The following ZCCHC4 variants were observed in gnomAD, a reference collection of about 807,000 sequenced individuals.
The protein encoded by ZCCHC4 is zinc finger CCHC-type containing 4, also known as rRNA N(6)-adenosine-methyltransferase ZCCHC4.
A neutral mutation model predicts 67.7 loss-of-function variants in ZCCHC4; 54 were observed. The ratio of observed to expected loss-of-function variants is 0.80; its 90% CI spans 0.64 to 1.00. The LOEUF (loss-of-function observed/expected upper bound fraction) is 1.00. Ranked by LOEUF, ZCCHC4 falls within the 50% of genes least tolerant of loss-of-function variation. ZCCHC4 has a pLI of 0.00. For synonymous variants in ZCCHC4, 198 were observed against 213.5 expected, an observed-to-expected ratio of 0.93 and a Z score of 0.63; for missense variants, 609 against 617.0, an observed-to-expected ratio of 0.99 and a Z score of 0.14.
intron 3 of ZCCHC4, among the ~76,000 whole-genome samples, chr4:25,330,900 T>C (rs999455550): frequency 6.6e-6 from 1 of 152,186 alleles, no homozygotes; most frequent in Admixed American, 6.5e-5. Context: ...TGCTGCTCAG[T>C]ACTCAGCCGA....
At position 25,319,372 on chromosome 4, in the gene ZCCHC4, G is replaced by A. The variant is rs145504005; in HGVS notation, c.329+3972G>A. 9.8e-3 allele frequency among the ~76,000 whole-genome samples: 1,485 copies of A among 151,662 alleles called. 36 individuals are homozygous for A. Among genetic ancestry groups the A allele is most frequent in the African/African-American group, 0.034 (1,388 of 41,350 alleles). On this transcript the variant is annotated intron_variant, in intron 3 of 12. Coordinates refer to ENST00000302874, the MANE Select transcript of ZCCHC4 (RefSeq NM_024936.3). ...TGCACTCCAGCCTGGGCGAGAGAGCGAGACTCCGTCTCAAAGAAAAAAAAA... is the reference window on the plus strand; with the variant it reads ...TGCACTCCAGCCTGGGCGAGAGAGCAAGACTCCGTCTCAAAGAAAAAAAAA...
chr4:25,368,015 G>C (rs1442187780), intron 12 of ZCCHC4, among the ~76,000 whole-genome samples: 1 of 152,146 alleles, frequency 6.6e-6, no homozygotes. Context: ...CCAGCTCCTT[G>C]AAGTCAAAGA....
intron 3 of ZCCHC4, among the ~76,000 whole-genome samples, chr4:25,321,432 G>A (rs899318145): frequency 1.3e-5 from 2 of 152,118 alleles, no homozygotes; most frequent in African/African-American, 4.8e-5. Flanking sequence ...GAGTGCAGTG[G>A]CGTGATCTTG....
chr4:25,348,645 G>A (rs113777973), intron 6 of ZCCHC4, among the ~76,000 whole-genome samples: 8 of 152,252 alleles, frequency 5.3e-5, no homozygotes, highest in South Asian at 2.1e-4. Context: ...ATAGGAGGAT[G>A]TGCATAGGTT....
chr4:25,323,560 T>G (rs938990458), intron 3 of ZCCHC4, among the ~76,000 whole-genome samples: 1 of 152,226 alleles, frequency 6.6e-6, no homozygotes, highest in Non-Finnish European at 1.5e-5. Flanking sequence ...CTGTAGAATT[T>G]AAATCCAGAC....
intron 6 of ZCCHC4, among the ~76,000 whole-genome samples, chr4:25,349,153 A>G (rs892827115): frequency 3.9e-5 from 6 of 152,230 alleles, no homozygotes; most frequent in Non-Finnish European, 8.8e-5. Flanking sequence ...TGTTTGTTAA[A>G]TTGAATTTAA....
Position 25,369,353 on chromosome 4 carries a change from C to A in ZCCHC4, c.*189C>A, listed in dbSNP as rs1721062328. ...CTCTCTGGAGACATGGGGAGTTGTT[C>A]CATCTTCAGCCAGTTTACTAGTTCT... On this transcript the variant is annotated 3_prime_UTR_variant, in exon 13 of 13. Transcript: ENST00000302874. 2 of 621,392 alleles carry A rather than the reference C, an allele frequency of 3.2e-6. No individual in the cohort carries two copies. The highest frequency in any genetic ancestry group is 2.7e-6 in the Non-Finnish European group (1 of 375,208). 38.5% of individuals were successfully genotyped at this position (621,392 alleles called of 1,614,324 possible).
chr4:25,351,798 A>G (rs1190781587), intron 8 of ZCCHC4, 109 bp downstream of exon 8: 5 of 1,090,910 alleles, frequency 4.6e-6, no homozygotes, highest in Non-Finnish European at 6.4e-6. Flanking sequence ...TGTATTAAAC[A>G]CTAATATTAT....
At chr4:25,350,672 G>C (rs993162913) in intron 7 of ZCCHC4, among the ~76,000 whole-genome samples, 1 of 152,154 alleles carries the variant, frequency 6.6e-6, no homozygotes, top group African/African-American at 2.4e-5. Context: ...TTGTGATCAT[G>C]CTTCTCCACT....
intron 8 of ZCCHC4, 143 bp from the exon 9 acceptor site, chr4:25,361,716 A>G: frequency 1.2e-6 from 1 of 809,926 alleles, no homozygotes; most frequent in Non-Finnish European, 1.9e-6. Context: ...CTCAGTCCTC[A>G]GCTTGGACTG....
chr4:25,362,174 T>C, intron 9 of ZCCHC4, 52 bp from the exon 10 acceptor site: 2 of 1,530,286 alleles, frequency 1.3e-6, no homozygotes, highest in Non-Finnish European at 1.8e-6. Context: ...TTTTATCTAC[T>C]CTGTAAATCT....
At chr4:25,331,748 A>G (rs1291924612) in intron 3 of ZCCHC4, among the ~76,000 whole-genome samples, 2 of 152,206 alleles carry the variant, frequency 1.3e-5, no homozygotes, top group African/African-American at 4.8e-5. Flanking sequence ...ATTACTAAGA[A>G]GTTTCTTCTA....
At position 25,333,390 on chromosome 4, in the gene ZCCHC4, C is replaced by T. The variant is rs759454788; in HGVS notation, c.537C>T (p.Ser179=). 3 of 1,614,156 alleles carry T rather than the reference C, an allele frequency of 1.9e-6. No individual in the cohort carries two copies. The highest frequency in any genetic ancestry group is 1.6e-4 in the Middle Eastern group (1 of 6,062). ...TNAQYLFADR[S]CQFLVDLLSA... Reference sequence around the variant, plus strand: ...CCCAGTATCTGTTTGCTGATCGGAGCTGTCAGTTCTTGGTAGACTTACTTT... The same window carrying T: ...CCCAGTATCTGTTTGCTGATCGGAGTTGTCAGTTCTTGGTAGACTTACTTT... The change falls in exon 4 of 13, where the codon AGC becomes AGT. Residue 179 remains serine (S), a synonymous_variant. Transcript: ENST00000302874.
chr4:25,315,604 T>C (rs2109045079), intron 3 of ZCCHC4, among the ~76,000 whole-genome samples: 1 of 152,246 alleles, frequency 6.6e-6, no homozygotes, highest in African/African-American at 2.4e-5. Context: ...CCATTGCCCC[T>C]ATTCGCAAAA....
At chr4:25,323,298 A>G (rs1210438175) in intron 3 of ZCCHC4, among the ~76,000 whole-genome samples, 1 of 152,338 alleles carries the variant, frequency 6.6e-6, no homozygotes, top group East Asian at 1.9e-4. Context: ...GAAAGAAAAG[A>G]TAAATGTTTC....
intron 5 of ZCCHC4, among the ~76,000 whole-genome samples, chr4:25,343,693 C>T (rs1249086118): frequency 2.0e-5 from 3 of 152,196 alleles, no homozygotes; most frequent in Non-Finnish European, 4.4e-5. Context: ...ACCAGACCGT[C>T]TGACTATAGA....
At chr4:25,335,276 G>A (rs528221620) in intron 5 of ZCCHC4, among the ~76,000 whole-genome samples, 1 of 152,038 alleles carries the variant, frequency 6.6e-6, no homozygotes, top group East Asian at 1.9e-4. Context: ...GTGAAACCCT[G>A]TCCCTACTAA....
Position 25,369,305 on chromosome 4 carries a change from C to A in ZCCHC4, c.*141C>A. 8.5e-7 allele frequency: 1 copy of A among 1,176,642 alleles called. No homozygotes were observed. The highest frequency in any genetic ancestry group is 1.2e-6 in the Non-Finnish European group (1 of 837,002). 72.9% of individuals were successfully genotyped at this position (1,176,642 alleles called of 1,614,324 possible). ...CTAGATAACAGGCAGGTGGCATTTG[C>A]TGGTTTACAGTCCCTTATCTGCCTC... On this transcript the variant is annotated 3_prime_UTR_variant, in exon 13 of 13. Coordinates refer to ENST00000302874, the MANE Select transcript of ZCCHC4 (RefSeq NM_024936.3).
At chr4:25,319,935 T>G (rs989845982) in intron 3 of ZCCHC4, among the ~76,000 whole-genome samples, 1 of 152,190 alleles carries the variant, frequency 6.6e-6, no homozygotes, top group Admixed American at 6.5e-5. Flanking sequence ...TTTTTCATGT[T>G]TTTGTGCAGT....
Sources: gnomAD v4.1 joint callset for allele counts (sites outside exome capture counted in the v4.1 genomes callset) on GRCh38, gnomAD v4.1.1 for gene constraint, MANE v1.5 for transcripts, NCBI Gene and HGNC (gene_info 2026-07-23, HGNC 2026-07-21) for gene names.